The following ARHGEF26 variants were observed in gnomAD, a reference collection of about 807,000 sequenced individuals.
The protein encoded by ARHGEF26 is Rho guanine nucleotide exchange factor (GEF) 26.
In ARHGEF26, 59 loss-of-function variants were observed where a neutral mutation model predicts 89.4. The observed-to-expected ratio is 0.66, with a 90% CI of 0.54 to 0.82. The LOEUF (loss-of-function observed/expected upper bound fraction) is 0.82. Among genes scored for constraint, ARHGEF26 ranks in the 40% least tolerant of loss-of-function variants. The probability of loss-of-function intolerance (pLI) is 0.00; values close to 1 mark genes in which losing one functional copy is unlikely to be tolerated. For synonymous variants in ARHGEF26, 500 were observed against 428.4 expected, an observed-to-expected ratio of 1.17 and a Z score of -2.06; for missense variants, 1,234 against 1,085.6, an observed-to-expected ratio of 1.14 and a Z score of -1.92.
At chr3:154,190,682 A>G (rs753267286) in intron 7 of ARHGEF26, among the ~76,000 whole-genome samples, 2 of 152,240 alleles carry the variant, frequency 1.3e-5, no homozygotes, top group Admixed American at 6.5e-5. Flanking sequence ...TGTATGTCAC[A>G]GTATCTCGCT....
chr3:154,232,896 C>T (rs1254346187), intron 11 of ARHGEF26, among the ~76,000 whole-genome samples: 1 of 151,280 alleles, frequency 6.6e-6, no homozygotes, highest in Non-Finnish European at 1.5e-5. Flanking sequence ...GGCATGATCT[C>T]GGCTCACTGC....
At chr3:154,211,462 T>C (rs1218769667) in intron 9 of ARHGEF26, among the ~76,000 whole-genome samples, 1 of 131,314 alleles carries the variant, frequency 7.6e-6, no homozygotes, top group Non-Finnish European at 1.6e-5. Context: ...GTGTTTTCTT[T>C]CCCACAGTGC....
At chr3:154,246,391 G>C (rs1717803238) in intron 12 of ARHGEF26, among the ~76,000 whole-genome samples, 1 of 152,198 alleles carries the variant, frequency 6.6e-6, no homozygotes, top group Non-Finnish European at 1.5e-5. Context: ...TTTGTCTTCA[G>C]AGCTACCCCA....
intron 6 of ARHGEF26, among the ~76,000 whole-genome samples, chr3:154,165,563 A>G (rs1711965038): frequency 6.6e-6 from 1 of 152,142 alleles, no homozygotes; most frequent in Non-Finnish European, 1.5e-5. Context: ...GCCTGCCTTT[A>G]TCTATTTTAT....
At chr3:154,240,101 A>G (rs950612067) in intron 11 of ARHGEF26, among the ~76,000 whole-genome samples, 8 of 152,190 alleles carry the variant, frequency 5.3e-5, no homozygotes, top group Non-Finnish European at 8.8e-5. Flanking sequence ...ATCACTTATT[A>G]TAACAGTTCC....
chr3:154,137,578 G>A (rs966669833), intron 4 of ARHGEF26, among the ~76,000 whole-genome samples: 1 of 152,164 alleles, frequency 6.6e-6, no homozygotes, highest in Non-Finnish European at 1.5e-5. Flanking sequence ...ACTGGGCTCT[G>A]TATGTGGTCT....
intron 9 of ARHGEF26, among the ~76,000 whole-genome samples, chr3:154,206,288 C>T (rs1715015674): frequency 6.6e-6 from 1 of 152,124 alleles, no homozygotes; most frequent in Non-Finnish European, 1.5e-5. Context: ...TGTTATTTGT[C>T]TCTTTTCTCT....
Position 154,255,620 on chromosome 3 carries a change from G to A in ARHGEF26, c.*147G>A. 1.4e-6 allele frequency: 2 copies of A among 1,443,512 alleles called. No individual in the cohort carries two copies. The highest frequency in any genetic ancestry group is 9.1e-7 in the Non-Finnish European group (1 of 1,104,310). The allele number at this position is 1,443,512 out of a possible 1,614,324, so 89.4% of individuals were successfully genotyped here. On this transcript the variant is annotated 3_prime_UTR_variant, in exon 15 of 15. Transcript: ENST00000465093. Reference sequence around the variant, plus strand: ...GCCTTTAAGCTTGCCAGGTTGTTCTGCTCTCTCATGAGAAGAGCTTGGATA... The same window carrying A: ...GCCTTTAAGCTTGCCAGGTTGTTCTACTCTCTCATGAGAAGAGCTTGGATA...
chr3:154,169,647 C>G (rs1712288129), intron 6 of ARHGEF26, among the ~76,000 whole-genome samples: 1 of 152,098 alleles, frequency 6.6e-6, no homozygotes, highest in Non-Finnish European at 1.5e-5. Context: ...AGTTAGAGTT[C>G]TAGTGCTGTA....
intron 6 of ARHGEF26, among the ~76,000 whole-genome samples, chr3:154,178,826 C>T (rs1340232286): frequency 6.6e-6 from 1 of 151,936 alleles, no homozygotes; most frequent in Non-Finnish European, 1.5e-5. Context: ...TATGTGTAGA[C>T]TTGCAGCTGG....
chr3:154,198,939 C>T (rs994965366), intron 9 of ARHGEF26, among the ~76,000 whole-genome samples: 10 of 151,952 alleles, frequency 6.6e-5, no homozygotes, highest in African/African-American at 1.9e-4. Context: ...TTTGTGGGTA[C>T]ATAGTAGGTA....
At position 154,122,288 on chromosome 3, in the gene ARHGEF26, C is replaced by G; in HGVS notation, c.296C>G (p.Pro99Arg). Residue 99 changes from proline to arginine, a missense_variant, in exon 2 of 15, where the codon CCG becomes CGG. Physicochemically the swap from Pro to Arg is moderately radical, Grantham distance 103 (BLOSUM62 -2). Coordinates refer to ENST00000465093, the MANE Select transcript of ARHGEF26 (RefSeq NM_015595.4). Reference protein sequence around the residue: ...RAVANGGTASPEYRAASPRLR... With the variant: ...RAVANGGTASREYRAASPRLR... The stretch of plus-strand genomic sequence containing the variant: ...GTGGCCAATGGTGGGACGGCATCCC[C>G]GGAGTACAGGGCTGCCTCTCCTCGA... The G allele has an allele frequency of 6.2e-7, 1 of 1,612,618 alleles. No homozygotes were observed. Among genetic ancestry groups the G allele is most frequent in the Non-Finnish European group, 8.5e-7 (1 of 1,179,792 alleles).
At chr3:154,212,381 G>A (rs1168125241) in intron 9 of ARHGEF26, among the ~76,000 whole-genome samples, 1 of 151,318 alleles carries the variant, frequency 6.6e-6, no homozygotes, top group Non-Finnish European at 1.5e-5. Flanking sequence ...AATAATAAGT[G>A]TACATTGCAG....
At chr3:154,121,009 C>T (rs569744627), upstream of ARHGEF26, 1 of 152,322 alleles carries the variant, frequency 6.6e-6, no homozygotes, top group South Asian at 2.1e-4. Context: ...CGTTAGAACT[C>T]TGCGCTACTG....
At position 154,149,441 on chromosome 3, in the gene ARHGEF26, A is replaced by G. The variant is rs1301282858; in HGVS notation, c.1322A>G (p.Gln441Arg). ...GTAAGCCAGGAGGAAAGAAAGAGAC[A>G]AGAGGTATGTTTCTACCGAGCAGCT... ...QTVSQEERKR[Q>R]EAIFEVISSE... is the part of the protein sequence containing the mutation. Residue 441 changes from glutamine to arginine, a missense_variant, in exon 5 of 15, where the codon CAA becomes CGA. By Grantham distance (43) the Gln-to-Arg change is conservative. Coordinates refer to ENST00000465093, the MANE Select transcript of ARHGEF26 (RefSeq NM_015595.4). The G allele has an allele frequency of 1.2e-6, 2 of 1,607,596 alleles. No homozygotes were observed. Among genetic ancestry groups the G allele is most frequent in the Non-Finnish European group, 1.7e-6 (2 of 1,176,702 alleles).
chr3:154,151,053 T>G (rs573361345), intron 5 of ARHGEF26, among the ~76,000 whole-genome samples: 1 of 152,334 alleles, frequency 6.6e-6, no homozygotes, highest in South Asian at 2.1e-4. Context: ...CTCTCCTTGA[T>G]GTAATCAGAA....
chr3:154,152,515 G>A (rs551780599), intron 5 of ARHGEF26, among the ~76,000 whole-genome samples: 87 of 152,258 alleles, frequency 5.7e-4, no homozygotes, highest in African/African-American at 2.0e-3. Flanking sequence ...ACCTCAGGAT[G>A]TGATGTCAAG....
At chr3:154,214,150 G>A (rs1282583113) in intron 9 of ARHGEF26, among the ~76,000 whole-genome samples, 1 of 152,146 alleles carries the variant, frequency 6.6e-6, no homozygotes, top group Non-Finnish European at 1.5e-5. Flanking sequence ...AGCAGTGAGA[G>A]GTTAGGGATC....
intron 3 of ARHGEF26, among the ~76,000 whole-genome samples, chr3:154,127,378 T>G (rs2108042019): frequency 6.6e-6 from 1 of 152,274 alleles, no homozygotes; most frequent in East Asian, 1.9e-4. Context: ...TGTAAAAAAT[T>G]TTCATTTTTA....
Sources: gnomAD v4.1 joint callset for allele counts (sites outside exome capture counted in the v4.1 genomes callset) on GRCh38, gnomAD v4.1.1 for gene constraint, MANE v1.5 for transcripts, NCBI Gene and HGNC (gene_info 2026-07-23, HGNC 2026-07-21) for gene names.